Variants in PHAX observed in about 807,000 individuals in gnomAD.
PHAX encodes the protein phosphorylated adaptor for RNA export, also known as phosphorylated adapter RNA export protein.
PHAX carries 31 observed loss-of-function variants against 41.6 expected under a neutral mutation model. That is an observed-to-expected ratio of 0.75 (90% confidence interval 0.56 to 1.01). PHAX has a LOEUF of 1.01. PHAX is among the 50% of genes least tolerant of loss of function. The probability of loss-of-function intolerance (pLI) is 0.00; values close to 1 mark genes in which losing one functional copy is unlikely to be tolerated. For missense variants in PHAX, 453 were observed against 472.9 expected, an observed-to-expected ratio of 0.96 and a Z score of 0.39; for synonymous variants, 175 against 164.9, an observed-to-expected ratio of 1.06 and a Z score of -0.47.
At chr5:126,601,138 G>A (rs71586102) in intron 1 of PHAX, 80 bp downstream of exon 1, 12,653 of 1,014,160 alleles carry the variant, frequency 0.012, 133 homozygotes, top group Middle Eastern at 0.02. Context: ...CAGCGGTGAG[G>A]GTGAGGGGTG....
intron 4 of PHAX, among the ~76,000 whole-genome samples, chr5:126,623,610 T>C (rs1417751057): frequency 6.6e-6 from 1 of 152,182 alleles, no homozygotes; most frequent in Non-Finnish European, 1.5e-5. Flanking sequence ...TTTTCTTATT[T>C]CTCTTCATCA....
At chr5:126,616,728 A>G (rs559933760) in intron 3 of PHAX, among the ~76,000 whole-genome samples, 29 of 152,146 alleles carry the variant, frequency 1.9e-4, no homozygotes, top group African/African-American at 6.5e-4. Flanking sequence ...AAAAATACAA[A>G]AATTCGCCAG....
chr5:126,614,575 T>C (rs1752154894), intron 3 of PHAX, among the ~76,000 whole-genome samples: 1 of 152,168 alleles, frequency 6.6e-6, no homozygotes, highest in African/African-American at 2.4e-5. Flanking sequence ...GAAACAGTTT[T>C]GGAGATCTGT....
chr5:126,607,322 A>G (rs774498997), intron 2 of PHAX, among the ~76,000 whole-genome samples: 4 of 146,014 alleles, frequency 2.7e-5, no homozygotes, highest in East Asian at 2.0e-4. Context: ...TTCCTAGTCT[A>G]TTTCTCTTTC....
At position 126,624,765 on chromosome 5, in the gene PHAX, A is replaced by G. The variant is rs199998945; in HGVS notation, c.1106A>G (p.Gln369Arg). The change falls in exon 5 of 5, where the codon CAG becomes CGG. Residue 369 changes from glutamine (Q) to arginine (R), a missense_variant. Transcript: ENST00000297540. ...NEALASLDESQEGHAEAKLEA... is the reference protein window; with the variant it reads ...NEALASLDESREGHAEAKLEA... ...GCCTTGGCCTCTCTTGATGAGTCACAGGAAGGACATGCAGAAGCCAAGTTG... is the reference window on the plus strand; with the variant it reads ...GCCTTGGCCTCTCTTGATGAGTCACGGGAAGGACATGCAGAAGCCAAGTTG... 21 of 1,613,974 alleles carry G rather than the reference A, an allele frequency of 1.3e-5. No homozygotes were observed. Among genetic ancestry groups the G allele is most frequent in the Non-Finnish European group, 1.5e-5 (18 of 1,180,002 alleles).
At chr5:126,620,226 A>G (rs1752248429) in intron 4 of PHAX, among the ~76,000 whole-genome samples, 1 of 152,204 alleles carries the variant, frequency 6.6e-6, no homozygotes, top group Admixed American at 6.5e-5. Context: ...CAGTAACATG[A>G]TTTGTAACAA....
At chr5:126,602,291 G>A (rs545107669) in intron 1 of PHAX, among the ~76,000 whole-genome samples, 1 of 152,358 alleles carries the variant, frequency 6.6e-6, no homozygotes, top group Admixed American at 6.5e-5. Flanking sequence ...GACTGCCTTG[G>A]TAGGTAGCAA....
At chr5:126,618,049 G>A (rs1455474049) in intron 4 of PHAX, among the ~76,000 whole-genome samples, 1 of 152,012 alleles carries the variant, frequency 6.6e-6, no homozygotes, top group Non-Finnish European at 1.5e-5. Context: ...TGCCTCCTGG[G>A]CTCAAGTAGT....
chr5:126,602,931 G>GGA (rs1160529502), intron 1 of PHAX, among the ~76,000 whole-genome samples: 1 of 151,790 alleles, frequency 6.6e-6, no homozygotes, highest in Non-Finnish European at 1.5e-5. Flanking sequence ...TGTGAACCCG[G>GGA]GAGGCGGAGC....
chr5:126,613,670 CTG>C (rs1233810382), intron 3 of PHAX, among the ~76,000 whole-genome samples: 2 of 151,998 alleles, frequency 1.3e-5, no homozygotes, highest in South Asian at 2.1e-4. Context: ...AAGAGCGAGA[CTG>C]TGTCAGAAAA....
At chr5:126,604,333 G>A in intron 2 of PHAX, 150 bp downstream of exon 2, 1 of 719,528 alleles carries the variant, frequency 1.4e-6, no homozygotes, top group Non-Finnish European at 2.1e-6. Flanking sequence ...CTGGAGTGCA[G>A]TTACTCACTG....
At chr5:126,624,545 T>C (rs1371548205) in intron 4 of PHAX, 30 bp from the exon 5 acceptor site, 1 of 1,522,894 alleles carries the variant, frequency 6.6e-7, no homozygotes, top group Non-Finnish European at 8.9e-7. Context: ...GTGGTAGTTC[T>C]TGTTTACTAA....
In PHAX at chr5:126,604,035, A is replaced by G. The variant is rs768969116; in HGVS notation, c.562A>G (p.Lys188Glu). The change falls in exon 2 of 5, where the codon AAG becomes GAG. Residue 188 changes from lysine to glutamate, a missense_variant. Transcript: ENST00000297540. Reference sequence around the variant, plus strand: ...GCATGGTGGCAAAAAAATGGGATCAAAGGAAGAGGAAAATGGGCAAGGTCA... The same window carrying G: ...GCATGGTGGCAAAAAAATGGGATCAGAGGAAGAGGAAAATGGGCAAGGTCA... Reference protein sequence around the residue: ...YMHGGKKMGSKEEENGQGHLK... With the variant: ...YMHGGKKMGSEEEENGQGHLK... The G allele has an allele frequency of 3.1e-6, 5 of 1,613,956 alleles. No individual in the cohort carries two copies. The African/African-American group carries it at 4.0e-5, about 13-fold the overall frequency.
At chr5:126,617,712 C>T (rs1752207626) in intron 4 of PHAX, among the ~76,000 whole-genome samples, 1 of 152,146 alleles carries the variant, frequency 6.6e-6, no homozygotes, top group African/African-American at 2.4e-5. Context: ...CTCCTGACCT[C>T]AAGCAGTCCG....
chr5:126,622,211 G>A (rs1370499442), intron 4 of PHAX, among the ~76,000 whole-genome samples: 5 of 152,050 alleles, frequency 3.3e-5, no homozygotes, highest in Admixed American at 6.6e-5. Flanking sequence ...TCGGCTCACT[G>A]CAACCTCTGC....
chr5:126,624,547 G>A, intron 4 of PHAX, 28 bp from the exon 5 acceptor site: 1 of 1,530,184 alleles, frequency 6.5e-7, no homozygotes, highest in Non-Finnish European at 8.8e-7. Flanking sequence ...GGTAGTTCTT[G>A]TTTACTAACT....
chr5:126,610,173 G>A (rs1752066116), intron 3 of PHAX, among the ~76,000 whole-genome samples: 1 of 152,216 alleles, frequency 6.6e-6, no homozygotes, highest in African/African-American at 2.4e-5. Context: ...GGGTGGTAGA[G>A]CAATAATGGG....
intron 2 of PHAX, 53 bp downstream of exon 2, chr5:126,604,236 G>A: frequency 1.5e-6 from 2 of 1,337,658 alleles, no homozygotes; most frequent in Non-Finnish European, 1.0e-6. Flanking sequence ...CTATTTACAG[G>A]AAATAAAATG....
In PHAX at chr5:126,606,353, G is replaced by A. The variant is rs116590494; in HGVS notation, c.711-2011G>A. 6.0e-3 allele frequency among the ~76,000 whole-genome samples: 917 copies of A among 151,986 alleles called. 10 individuals carry two copies. Among genetic ancestry groups the A allele is most frequent in the African/African-American group, 0.021 (866 of 41,484 alleles). ...TGGAATTACAGCCATGTGCTACAAC[G>A]CCCAGCTAATTTTTATATTTTTTAG... is the stretch of plus-strand genomic sequence containing the variant. On this transcript the variant is annotated intron_variant, in intron 2 of 4. Coordinates refer to ENST00000297540, the MANE Select transcript of PHAX (RefSeq NM_032177.4).
Sources: gnomAD v4.1 joint callset for allele counts (sites outside exome capture counted in the v4.1 genomes callset) on GRCh38, gnomAD v4.1.1 for gene constraint, MANE v1.5 for transcripts, NCBI Gene and HGNC (gene_info 2026-07-23, HGNC 2026-07-21) for gene names.